Variants in RASAL2 observed in about 807,000 individuals in gnomAD.
RASAL2 encodes the protein RAS protein activator like 2.
Under a neutral mutation model 128.9 loss-of-function variants are expected in RASAL2, and 58 were observed. That is an observed-to-expected ratio of 0.45 (90% CI 0.36 to 0.56). The LOEUF is 0.56. Ranked by LOEUF, RASAL2 falls within the 20% of genes least tolerant of loss-of-function variation. The pLI, the probability that RASAL2 is intolerant of heterozygous loss-of-function variation, is 0.00. For synonymous variants in RASAL2, 561 were observed against 580.8 expected, an observed-to-expected ratio of 0.97 and a Z score of 0.49; for missense variants, 1,360 against 1,601.6, an observed-to-expected ratio of 0.85 and a Z score of 2.57.
chr1:178,441,270 A>G (rs1391066374), intron 6 of RASAL2, among the ~76,000 whole-genome samples: 1 of 152,166 alleles, frequency 6.6e-6, no homozygotes, highest in African/African-American at 2.4e-5. Context: ...TTGGACTCTT[A>G]GTACATTTTC....
At chr1:178,199,685 GT>G (rs150915734) in intron 1 of RASAL2, among the ~76,000 whole-genome samples, 5 of 151,230 alleles carry the variant, frequency 3.3e-5, no homozygotes, top group Non-Finnish European at 4.4e-5. Flanking sequence ...AATCTTCTGT[GT>G]TTTTTTTTGG....
At chr1:178,358,080 A>G (rs536395242) in intron 3 of RASAL2, among the ~76,000 whole-genome samples, 1 of 152,022 alleles carries the variant, frequency 6.6e-6, no homozygotes, top group South Asian at 2.1e-4. Context: ...TACTAAAAAT[A>G]AGAAAATTAG....
chr1:178,313,346 T>G (rs1175192462), intron 3 of RASAL2, among the ~76,000 whole-genome samples: 1 of 152,142 alleles, frequency 6.6e-6, no homozygotes, highest in African/African-American at 2.4e-5. Flanking sequence ...TTATTCAATA[T>G]TTGATGTTAA....
At chr1:178,400,696 ATATTT>A (rs1368115993) in intron 4 of RASAL2, among the ~76,000 whole-genome samples, 1 of 152,188 alleles carries the variant, frequency 6.6e-6, no homozygotes, top group Admixed American at 6.5e-5. Context: ...TTTTATAAGT[ATATTT>A]TATTAGGAAG....
intron 2 of RASAL2, among the ~76,000 whole-genome samples, chr1:178,298,526 C>T (rs1238775664): frequency 6.6e-6 from 1 of 152,136 alleles, no homozygotes; most frequent in Admixed American, 6.5e-5. Flanking sequence ...TCTCCTTGAC[C>T]CAAGTCACAG....
intron 1 of RASAL2, among the ~76,000 whole-genome samples, chr1:178,257,541 A>G (rs1175743012): frequency 6.6e-6 from 1 of 152,146 alleles, no homozygotes; most frequent in African/African-American, 2.4e-5. Context: ...TAATAACTTT[A>G]TAAAAATTAA....
chr1:178,440,573 T>C (rs1020077162), intron 6 of RASAL2, among the ~76,000 whole-genome samples: 1 of 152,084 alleles, frequency 6.6e-6, no homozygotes, highest in African/African-American at 2.4e-5. Context: ...TGACCAGAGA[T>C]TGAGTTAATA....
At chr1:178,350,797 C>A (rs893401923) in intron 3 of RASAL2, among the ~76,000 whole-genome samples, 2 of 152,062 alleles carry the variant, frequency 1.3e-5, no homozygotes, top group African/African-American at 4.8e-5. Flanking sequence ...TACTACTTGG[C>A]GCTTACTTTT....
At chr1:178,450,778 A>G (rs1037475482) in intron 9 of RASAL2, among the ~76,000 whole-genome samples, 1 of 152,168 alleles carries the variant, frequency 6.6e-6, no homozygotes, top group Non-Finnish European at 1.5e-5. Context: ...TTTGGGAGCT[A>G]TTCAGAAGAG....
intron 7 of RASAL2, among the ~76,000 whole-genome samples, chr1:178,442,085 A>G (rs1176731925): frequency 6.6e-6 from 1 of 152,076 alleles, no homozygotes; most frequent in Non-Finnish European, 1.5e-5. Context: ...TATCAGGAAG[A>G]TGGCACCAAG....
At chr1:178,247,074 G>T (rs949529121) in intron 1 of RASAL2, among the ~76,000 whole-genome samples, 2 of 152,144 alleles carry the variant, frequency 1.3e-5, no homozygotes, top group Admixed American at 6.5e-5. Context: ...GATGATGCTG[G>T]CCTCATAAAA....
Position 178,279,262 on chromosome 1 carries a change from G to A in RASAL2, c.203-4302G>A, listed in dbSNP as rs575962591. Among the ~76,000 whole-genome samples, 14 of 152,034 alleles carry A rather than the reference G, an allele frequency of 9.2e-5. No homozygotes were observed. The East Asian group carries it at 2.3e-3, about 25-fold the overall frequency. On this transcript the variant is annotated intron_variant, in intron 1 of 17. Transcript: ENST00000367649. ...TTTATCAATTTGTATTTTTATTAGT[G>A]ACTCTTTTATTCTCTCATCTCTTTT... is the stretch of plus-strand genomic sequence containing the variant.
intron 3 of RASAL2, among the ~76,000 whole-genome samples, chr1:178,346,887 A>G (rs1312775778): frequency 6.6e-6 from 1 of 152,238 alleles, no homozygotes; most frequent in African/African-American, 2.4e-5. Context: ...TACTAGGCAG[A>G]GGAAATTTAT....
chr1:178,269,620 G>A (rs1324266494), intron 1 of RASAL2, among the ~76,000 whole-genome samples: 5 of 152,188 alleles, frequency 3.3e-5, no homozygotes, highest in Admixed American at 2.0e-4. Context: ...ACCTCTGGTC[G>A]TCCTCACTTC....
At chr1:178,145,850 A>G (rs936631118) in intron 1 of RASAL2, among the ~76,000 whole-genome samples, 1 of 152,186 alleles carries the variant, frequency 6.6e-6, no homozygotes, top group Non-Finnish European at 1.5e-5. Context: ...CCAACTACCT[A>G]TAAGTGACTT....
chr1:178,240,790 C>A, intron 1 of RASAL2, among the ~76,000 whole-genome samples: 1 of 151,584 alleles, frequency 6.6e-6, no homozygotes, highest in African/African-American at 2.4e-5. Flanking sequence ...AATTGTGTGA[C>A]TGCAAATCAA....
intron 1 of RASAL2, among the ~76,000 whole-genome samples, chr1:178,164,810 G>A (rs1260947501): frequency 8.1e-6 from 1 of 123,436 alleles, no homozygotes. Context: ...CATACGCTTT[G>A]TTCATCAAAC....
intron 1 of RASAL2, among the ~76,000 whole-genome samples, chr1:178,270,967 A>C (rs1024452555): frequency 4.6e-5 from 7 of 152,156 alleles, no homozygotes; most frequent in African/African-American, 1.7e-4. Context: ...ATGTCTTAAC[A>C]TGTTTAGAGT....
rs147958093 is a variant in RASAL2 at position 178,222,708 on chromosome 1, G to A, written c.203-60856G>A. Among the ~76,000 whole-genome samples the A allele has an allele frequency of 7.6e-3, 1,162 of 152,054 alleles. 15 individuals are homozygous for A. Among genetic ancestry groups the A allele is most frequent in the African/African-American group, 0.026 (1,095 of 41,484 alleles). On this transcript the variant is annotated intron_variant, in intron 1 of 17. Transcript: ENST00000367649. ...ATATAAAGCTTGTTAAGAGCTTGTGGATATCTCTTTATGCTTTAAAAATTT... is the reference window on the plus strand; with the variant it reads ...ATATAAAGCTTGTTAAGAGCTTGTGAATATCTCTTTATGCTTTAAAAATTT...
Sources: gnomAD v4.1 joint callset for allele counts (sites outside exome capture counted in the v4.1 genomes callset) on GRCh38, gnomAD v4.1.1 for gene constraint, MANE v1.5 for transcripts, NCBI Gene and HGNC (gene_info 2026-07-23, HGNC 2026-07-21) for gene names.